Variants in TBC1D16 observed in about 807,000 individuals in gnomAD.
The protein encoded by TBC1D16 is CTD-2529O21.1.
Under a neutral mutation model 74.7 loss-of-function variants are expected in TBC1D16, and 58 were observed. The ratio of observed to expected loss-of-function variants is 0.78; its 90% CI spans 0.63 to 0.97. The LOEUF (loss-of-function observed/expected upper bound fraction) is 0.97, where lower values mean the gene tolerates loss of function less well. Ranked by LOEUF, TBC1D16 falls within the 50% of genes least tolerant of loss-of-function variation. TBC1D16 has a pLI of 0.00. For synonymous variants in TBC1D16, 493 were observed against 474.7 expected (o/e 1.04, Z -0.50); for missense variants, 1,014 against 1,079.5 (o/e 0.94, Z 0.85).
Position 79,983,719 on chromosome 17 carries a change from G to A in TBC1D16, c.779+26441C>T, listed in dbSNP as rs2034691166. 6.6e-6 allele frequency among the ~76,000 whole-genome samples: 1 copy of A among 152,166 alleles called. No homozygotes were observed. The highest frequency in any genetic ancestry group is 2.1e-4 in the South Asian group (1 of 4,828). On this transcript the variant is annotated intron_variant, in intron 3 of 11. Transcript: ENST00000310924. The surrounding 1 kb of genome is among the most constrained non-coding windows in gnomAD (Gnocchi z 5.6). The stretch of plus-strand genomic sequence containing the variant: ...ACCGGGGCACGGAACGACCAGACTG[G>A]GGAGGAAGGAGTGGAGCACTGGCCT...
In TBC1D16 at chr17:79,983,972, T is replaced by G. The variant is rs1398976349; in HGVS notation, c.779+26188A>C. ...GCCTTGATCTCCCAGGCTTAAGGGA[T>G]CCTCCCTCCTCAGCCTCCCTGAGTA... On this transcript the variant is annotated intron_variant, in intron 3 of 11. Coordinates refer to ENST00000310924, the MANE Select transcript of TBC1D16 (RefSeq NM_019020.4). The surrounding 1 kb of genome is among the most constrained non-coding windows in gnomAD (Gnocchi z 5.6). 1.3e-5 allele frequency among the ~76,000 whole-genome samples: 2 copies of G among 149,068 alleles called. No homozygotes were observed.
chr17:79,972,690 T>G (rs920693010), intron 3 of TBC1D16, among the ~76,000 whole-genome samples: 5 of 151,480 alleles, frequency 3.3e-5, no homozygotes, highest in Non-Finnish European at 7.4e-5. Flanking sequence ...GGGAACAGAG[T>G]TTCGGTTGGG....
chr17:79,949,395 G>A (rs754645473), intron 7 of TBC1D16, among the ~76,000 whole-genome samples: 3 of 152,210 alleles, frequency 2.0e-5, no homozygotes, highest in Non-Finnish European at 4.4e-5. Flanking sequence ...CACAGTCTCC[G>A]GATGCCTTCA....
rs570221762 is a variant in TBC1D16, at chr17:80,026,232, G to A, written c.-63+9563C>T. On this transcript the variant is annotated intron_variant, in intron 1 of 11. Transcript: ENST00000310924. ...GAGGTCAAGAGTTCACGACCAGCCT[G>A]GTCAATATGGCAAAACCCCATCGCT... 4 of 150,104 alleles carry A rather than the reference G, an allele frequency of 2.7e-5. No homozygotes were observed. The East Asian group carries it at 7.7e-4, about 29-fold the overall frequency. 9.3% of individuals were successfully genotyped at this position (150,104 alleles called of 1,614,324 possible).
At position 80,007,847 on chromosome 17, in the gene TBC1D16, G is replaced by A. The variant is rs142453713; in HGVS notation, c.779+2313C>T. 7.2e-5 allele frequency among the ~76,000 whole-genome samples: 11 copies of A among 152,234 alleles called. No homozygotes were observed. In the East Asian group the frequency reaches 2.1e-3, roughly 29 times the overall value. ...GAGGCAGGCAGCATCGCTCAGCAGG[G>A]CCAGATGGTGATGGGCCTTGGACCC... On this transcript the variant is annotated intron_variant, in intron 3 of 11. Transcript: ENST00000310924. The surrounding 1 kb of genome is among the most constrained non-coding windows in gnomAD (Gnocchi z 4.5).
chr17:80,002,395 C>T (rs548603668), intron 3 of TBC1D16, among the ~76,000 whole-genome samples: 7 of 152,350 alleles, frequency 4.6e-5, no homozygotes, highest in African/African-American at 1.4e-4. Context: ...CTGCCTCGCA[C>T]GCCCTGCGGG....
chr17:80,026,041 A>G (rs1351445256), intron 1 of TBC1D16: 2 of 150,148 alleles, frequency 1.3e-5, no homozygotes, highest in African/African-American at 5.1e-5. Flanking sequence ...AACTGCCAAC[A>G]CTCAGAAGCA....
intron 1 of TBC1D16, among the ~76,000 whole-genome samples, chr17:80,018,532 T>C (rs1598434272): frequency 6.7e-6 from 1 of 149,966 alleles, no homozygotes; most frequent in Admixed American, 6.6e-5. Flanking sequence ...TCCGCCTGCC[T>C]CGGCCTCCCA....
At chr17:79,968,928 G>A (rs1216208294) in intron 3 of TBC1D16, among the ~76,000 whole-genome samples, 2 of 150,726 alleles carry the variant, frequency 1.3e-5, no homozygotes, top group Non-Finnish European at 3.0e-5. Flanking sequence ...ATCTGACAAG[G>A]GACTAGTACC....
chr17:80,018,975 C>T (rs939059100), intron 1 of TBC1D16, among the ~76,000 whole-genome samples: 12 of 150,140 alleles, frequency 8.0e-5, no homozygotes, highest in Admixed American at 2.0e-4. Flanking sequence ...TGCTCAGCCA[C>T]GTTTTGGGTG....
chr17:80,016,062 G>GT (rs2144709982), intron 1 of TBC1D16, among the ~76,000 whole-genome samples: 1 of 150,518 alleles, frequency 6.6e-6, no homozygotes, highest in Admixed American at 6.6e-5. Flanking sequence ...TAAACCAAAT[G>GT]TAGTATAATG....
chr17:80,005,273 C>T lies in TBC1D16; in HGVS notation c.779+4887G>A, dbSNP rs1039748868. Among the ~76,000 whole-genome samples the T allele has an allele frequency of 5.9e-5, 9 of 152,132 alleles. No individual in the cohort carries two copies. The South Asian group carries it at 1.7e-3, about 28-fold the overall frequency. ...AATTTTTTTTTCTTTTTGGTAGAGACGGGGTCTCGCTATGTTGCCCAGGCT... is the reference window on the plus strand; with the variant it reads ...AATTTTTTTTTCTTTTTGGTAGAGATGGGGTCTCGCTATGTTGCCCAGGCT... On this transcript the variant is annotated intron_variant, in intron 3 of 11. Coordinates refer to ENST00000310924, the MANE Select transcript of TBC1D16 (RefSeq NM_019020.4).
intron 3 of TBC1D16, among the ~76,000 whole-genome samples, chr17:79,984,226 T>C (rs537635592): frequency 3.9e-5 from 6 of 152,122 alleles, no homozygotes; most frequent in Non-Finnish European, 8.8e-5. Flanking sequence ...GATCTCACAA[T>C]GTTGCCCAGG....
Position 80,010,647 on chromosome 17 carries a change from T to C in TBC1D16, c.292A>G (p.Ile98Val), listed in dbSNP as rs979842864. Residue 98 changes from isoleucine to valine, a missense_variant, in exon 3 of 12, where the codon ATC becomes GTC. Physicochemically the swap from Ile to Val is conservative, Grantham distance 29. Transcript: ENST00000310924. The surrounding 1 kb of genome is among the most constrained non-coding windows in gnomAD (Gnocchi z 8.8). ...QRQDEEALRY[I>V]TPESSPVRKA... ...CGAACGGGGGAGCTCTCGGGTGTGA[T>C]GTAGCGCAGGGCCTCCTCGTCCTGC... is the stretch of plus-strand genomic sequence containing the variant. 6.4e-7 allele frequency: 1 copy of C among 1,562,196 alleles called. No homozygotes were observed. Among genetic ancestry groups the C allele is most frequent in the African/African-American group, 1.4e-5 (1 of 73,168 alleles).
At chr17:79,998,440 G>A (rs1466232113) in intron 3 of TBC1D16, among the ~76,000 whole-genome samples, 1 of 151,138 alleles carries the variant, frequency 6.6e-6, no homozygotes, top group Non-Finnish European at 1.5e-5. Flanking sequence ...CAATCCTCCT[G>A]CCTCAGCCCC....
rs372174954 is a variant in TBC1D16 at position 79,981,636 on chromosome 17, G to A, written c.779+28524C>T. 5.9e-5 allele frequency among the ~76,000 whole-genome samples: 9 copies of A among 152,234 alleles called. No homozygotes were observed. The highest frequency in any genetic ancestry group is 1.2e-4 in the African/African-American group (5 of 41,464). The stretch of plus-strand genomic sequence containing the variant: ...CCAGCAACACTTCGTTTTCCAAAGC[G>A]GGGAGGCCAAACCTCCAAAGCTGGG... On this transcript the variant is annotated intron_variant, in intron 3 of 11. Coordinates refer to ENST00000310924, the MANE Select transcript of TBC1D16 (RefSeq NM_019020.4). The surrounding 1 kb of genome is among the most constrained non-coding windows in gnomAD (Gnocchi z 6.9).
chr17:79,980,061 G>T lies in TBC1D16; in HGVS notation c.780-27243C>A, dbSNP rs2034516105. Reference sequence around the variant, plus strand: ...CTTGCACCTGGAGGAGCAGCTCACCGTGCCGTGGAGGGTGGCCGCGAGGTT... The same window carrying T: ...CTTGCACCTGGAGGAGCAGCTCACCTTGCCGTGGAGGGTGGCCGCGAGGTT... On this transcript the variant is annotated intron_variant, in intron 3 of 11. Coordinates refer to ENST00000310924, the MANE Select transcript of TBC1D16 (RefSeq NM_019020.4). This position sits in a 1 kb window ranked among gnomAD's most constrained non-coding sequence, Gnocchi z 7.0. 6.6e-6 allele frequency among the ~76,000 whole-genome samples: 1 copy of T among 152,156 alleles called. No individual in the cohort carries two copies. The highest frequency in any genetic ancestry group is 1.5e-5 in the Non-Finnish European group (1 of 68,036).
rs773459870 is a variant in TBC1D16 at position 79,952,609 on chromosome 17, A to G, written c.941+48T>C. ...GCTGCAAAGCCCAGGCTGCCAGGGA[A>G]AACACACACAGGCCAACTCCCAGGA... On this transcript the variant is annotated intron_variant, in intron 4 of 11. Transcript: ENST00000310924. 3.9e-6 allele frequency: 6 copies of G among 1,547,194 alleles called. No homozygotes were observed. In the East Asian group the frequency reaches 1.1e-4, roughly 29 times the overall value.
chr17:80,017,928 G>A (rs942111767), intron 1 of TBC1D16, among the ~76,000 whole-genome samples: 5 of 152,056 alleles, frequency 3.3e-5, no homozygotes, highest in Admixed American at 6.6e-5. Flanking sequence ...ACCAAGTGAC[G>A]AAACTTAATT....
Sources: gnomAD v4.1 joint callset for allele counts (sites outside exome capture counted in the v4.1 genomes callset) on GRCh38, gnomAD v4.1.1 for gene constraint, Gnocchi (gnomAD v3.1) non-coding constraint, MANE v1.5 for transcripts, NCBI Gene and HGNC (gene_info 2026-07-23, HGNC 2026-07-21) for gene names.